Variants in KCNK13 observed in about 807,000 individuals in gnomAD.
KCNK13 encodes potassium two pore domain channel subfamily K member 13.
Under a neutral mutation model 23.4 loss-of-function variants are expected in KCNK13, and 12 were observed. That is an observed-to-expected ratio of 0.51 (90% CI 0.33 to 0.83). The LOEUF (loss-of-function observed/expected upper bound fraction) is 0.83, where lower values mean the gene tolerates loss of function less well. Ranked by LOEUF, KCNK13 falls within the 40% of genes least tolerant of loss-of-function variation. The pLI is 0.02. For synonymous variants in KCNK13, 231 were observed against 229.5 expected (o/e 1.01, Z -0.06); for missense variants, 463 against 556.3 (o/e 0.83, Z 1.69).
At chr14:90,116,909 A>G (rs1028813695) in intron 1 of KCNK13, among the ~76,000 whole-genome samples, 4 of 152,134 alleles carry the variant, frequency 2.6e-5, no homozygotes, top group African/African-American at 9.7e-5. Context: ...ATATTTAGAG[A>G]ATCTATTTCA....
At chr14:90,091,984 C>A (rs1000910698) in intron 1 of KCNK13, among the ~76,000 whole-genome samples, 2 of 148,844 alleles carry the variant, frequency 1.3e-5, no homozygotes, top group African/African-American at 5.0e-5. Context: ...TGGAGTGCAG[C>A]GATCTCAGCT....
At chr14:90,115,711 A>G (rs1184520967) in intron 1 of KCNK13, among the ~76,000 whole-genome samples, 1 of 152,244 alleles carries the variant, frequency 6.6e-6, no homozygotes, top group Non-Finnish European at 1.5e-5. Flanking sequence ...AAAGAAAAAA[A>G]ACAGGCAACA....
intron 1 of KCNK13, among the ~76,000 whole-genome samples, chr14:90,177,535 G>T (rs1196047709): frequency 1.3e-5 from 2 of 152,174 alleles, no homozygotes; most frequent in Admixed American, 1.3e-4. Context: ...TCCTCTTATA[G>T]ATAATTGGTT....
chr14:90,113,890 G>A (rs57907465), intron 1 of KCNK13, among the ~76,000 whole-genome samples: 2,488 of 151,978 alleles, frequency 0.016, 64 homozygotes, highest in African/African-American at 0.057. Context: ...CCAAGATTGC[G>A]CCACTGAACT....
intron 1 of KCNK13, among the ~76,000 whole-genome samples, chr14:90,083,804 A>G (rs936326730): frequency 5.3e-5 from 8 of 152,262 alleles, no homozygotes; most frequent in African/African-American, 1.2e-4. Context: ...ATAACACCAC[A>G]GAATGGACTA....
Position 90,184,606 on chromosome 14 carries a change from A to G in KCNK13, c.830A>G (p.Asn277Ser). The G allele has an allele frequency of 1.2e-6, 2 of 1,614,202 alleles. No individual in the cohort carries two copies. Among genetic ancestry groups the G allele is most frequent in the Non-Finnish European group, 1.7e-6 (2 of 1,180,034 alleles). ...MGVCCIYSLF[N>S]VISILIKQSL... Reference sequence around the variant, plus strand: ...GTCTGCTGCATCTACTCCTTGTTCAATGTCATCTCTATCCTCATCAAACAG... The same window carrying G: ...GTCTGCTGCATCTACTCCTTGTTCAGTGTCATCTCTATCCTCATCAAACAG... The change falls in exon 2 of 2, where the codon AAT becomes AGT. Residue 277 changes from asparagine to serine, a missense_variant. This residue lies in a region of KCNK13 where 166 missense variants were observed against 178.8 expected (regional missense o/e 0.93). Coordinates refer to ENST00000282146, the MANE Select transcript of KCNK13 (RefSeq NM_022054.4). The surrounding 1 kb of genome is among the most constrained non-coding windows in gnomAD (Gnocchi z 5.6).
intron 1 of KCNK13, among the ~76,000 whole-genome samples, chr14:90,120,279 G>T (rs765785375): frequency 6.6e-6 from 1 of 152,148 alleles, no homozygotes; most frequent in Non-Finnish European, 1.5e-5. Flanking sequence ...TATTCCATAC[G>T]TGATGTGTGT....
intron 1 of KCNK13, among the ~76,000 whole-genome samples, chr14:90,095,767 A>G (rs748882728): frequency 2.0e-5 from 3 of 152,142 alleles, no homozygotes; most frequent in African/African-American, 2.4e-5. Context: ...ATTCAGTTCA[A>G]TTCTGACACT....
intron 1 of KCNK13, among the ~76,000 whole-genome samples, chr14:90,153,616 T>C (rs1453555332): frequency 6.6e-6 from 1 of 152,224 alleles, no homozygotes; most frequent in East Asian, 1.9e-4. Context: ...GCACATAATC[T>C]GGCATGCAGT....
At chr14:90,127,207 TG>T (rs1336167647) in intron 1 of KCNK13, among the ~76,000 whole-genome samples, 1 of 152,166 alleles carries the variant, frequency 6.6e-6, no homozygotes, top group Admixed American at 6.5e-5. Flanking sequence ...AACGTTTCTA[TG>T]AATCTGAAAC....
At chr14:90,162,886 A>G (rs1333894491) in intron 1 of KCNK13, among the ~76,000 whole-genome samples, 2 of 152,242 alleles carry the variant, frequency 1.3e-5, no homozygotes, top group African/African-American at 2.4e-5. Flanking sequence ...ACAAAGGGTT[A>G]ACGTTCTTAA....
chr14:90,081,590 A>G (rs1043815761), intron 1 of KCNK13, among the ~76,000 whole-genome samples: 2 of 152,240 alleles, frequency 1.3e-5, no homozygotes, highest in African/African-American at 4.8e-5. Context: ...TATAATTCAC[A>G]TACCATAAAA....
chr14:90,100,835 G>T (rs1889467772), intron 1 of KCNK13, among the ~76,000 whole-genome samples: 1 of 152,030 alleles, frequency 6.6e-6, no homozygotes, highest in African/African-American at 2.4e-5. Context: ...GGGACCACAG[G>T]TGTGTGCCCA....
At chr14:90,064,651 G>C (rs1051076738) in intron 1 of KCNK13, among the ~76,000 whole-genome samples, 1 of 152,112 alleles carries the variant, frequency 6.6e-6, no homozygotes, top group Non-Finnish European at 1.5e-5. Flanking sequence ...TATTAGTCCT[G>C]CCCCCTGCTC....
chr14:90,072,999 T>G (rs1247712217), intron 1 of KCNK13, among the ~76,000 whole-genome samples: 2 of 152,192 alleles, frequency 1.3e-5, no homozygotes, highest in African/African-American at 4.8e-5. Flanking sequence ...ACAAGGATCC[T>G]GAGGCTCCAA....
At chr14:90,070,022 C>T (rs72697385) in intron 1 of KCNK13, among the ~76,000 whole-genome samples, 1 of 152,090 alleles carries the variant, frequency 6.6e-6, no homozygotes, top group Non-Finnish European at 1.5e-5. Flanking sequence ...TACCAACCAA[C>T]AACAAACACT....
chr14:90,100,221 T>C (rs190347077), intron 1 of KCNK13, among the ~76,000 whole-genome samples: 216 of 152,268 alleles, frequency 1.4e-3, no homozygotes, highest in African/African-American at 5.1e-3. Flanking sequence ...ACTAAAAATA[T>C]CTTCATTTAA....
At chr14:90,178,779 T>C (rs1488272484) in intron 1 of KCNK13, among the ~76,000 whole-genome samples, 2 of 152,074 alleles carry the variant, frequency 1.3e-5, no homozygotes, top group Non-Finnish European at 2.9e-5. Flanking sequence ...CATTTGAGAG[T>C]TGCCTCTGCA....
intron 1 of KCNK13, among the ~76,000 whole-genome samples, chr14:90,081,063 C>T (rs187990588): frequency 1.1e-4 from 16 of 152,336 alleles, no homozygotes; most frequent in East Asian, 1.9e-4. Context: ...CTCTTCTTTC[C>T]GCAAGCCTTT....
Sources: gnomAD v4.1 joint callset for allele counts (sites outside exome capture counted in the v4.1 genomes callset) on GRCh38, gnomAD v4.1.1 for gene constraint, gnomAD v4.1.1 regional missense constraint, Gnocchi (gnomAD v3.1) non-coding constraint, MANE v1.5 for transcripts, NCBI Gene and HGNC (gene_info 2026-07-23, HGNC 2026-07-21) for gene names.